The following MDGA2 variants were observed in gnomAD, a reference collection of about 807,000 sequenced individuals.
MDGA2 encodes the protein MAM domain containing glycosylphosphatidylinositol anchor 2.
In MDGA2, 40 loss-of-function variants were observed where a neutral mutation model predicts 117.8. The ratio of observed to expected loss-of-function variants is 0.34; its 90% CI spans 0.26 to 0.44. MDGA2 has a LOEUF of 0.44. MDGA2 is among the 20% of genes least tolerant of loss of function. The pLI, the probability that MDGA2 is intolerant of heterozygous loss-of-function variation, is 1.00. For synonymous variants in MDGA2, 452 were observed against 439.0 expected, an observed-to-expected ratio of 1.03 and a Z score of -0.37; for missense variants, 1,123 against 1,250.6, an observed-to-expected ratio of 0.90 and a Z score of 1.54.
intron 5 of MDGA2, among the ~76,000 whole-genome samples, chr14:47,098,520 G>A (rs1880115762): frequency 6.6e-6 from 1 of 151,430 alleles, no homozygotes; most frequent in South Asian, 2.1e-4. Context: ...TGCAAAAGTT[G>A]CCATATTTTG....
intron 12 of MDGA2, 30 bp from the exon 13 acceptor site, chr14:46,874,230 T>C (rs775738260): frequency 2.7e-6 from 3 of 1,097,180 alleles, no homozygotes; most frequent in South Asian, 5.3e-5. Flanking sequence ...AAATTAATAT[T>C]AATTAAATTA....
At chr14:47,378,382 A>C (rs1420746332) in intron 1 of MDGA2, among the ~76,000 whole-genome samples, 1 of 152,230 alleles carries the variant, frequency 6.6e-6, no homozygotes, top group African/African-American at 2.4e-5. Flanking sequence ...AGTTGAGTGA[A>C]TAAGGCTTCA....
chr14:47,561,150 TTTG>T (rs1379691786), intron 1 of MDGA2, among the ~76,000 whole-genome samples: 11 of 43,256 alleles, frequency 2.5e-4, no homozygotes, highest in African/African-American at 6.7e-4. Context: ...TGTTTTTTTT[TTTG>T]TTTTGTTTTG....
chr14:47,456,075 GA>G (rs1180164875), intron 1 of MDGA2, among the ~76,000 whole-genome samples: 1 of 151,770 alleles, frequency 6.6e-6, no homozygotes, highest in Non-Finnish European at 1.5e-5. Context: ...AATGGGCTGT[GA>G]AAAAAATACT....
chr14:47,066,337 A>G (rs1890079345), intron 6 of MDGA2, among the ~76,000 whole-genome samples: 6 of 152,156 alleles, frequency 3.9e-5, no homozygotes, highest in Admixed American at 3.3e-4. Context: ...AATTGTTTCC[A>G]TTCAGTATGG....
chr14:47,520,703 T>C (rs1894851472), intron 1 of MDGA2, among the ~76,000 whole-genome samples: 1 of 152,178 alleles, frequency 6.6e-6, no homozygotes, highest in East Asian at 1.9e-4. Flanking sequence ...AATAAGTGTT[T>C]TAAATTAAGC....
chr14:46,884,408 A>T lies in MDGA2; in HGVS notation c.2239-2187T>A, dbSNP rs1295313595. On this transcript the variant is annotated intron_variant, in intron 10 of 16. Transcript: ENST00000399232. This position sits in a 1 kb window ranked among gnomAD's most constrained non-coding sequence, Gnocchi z 4.1. ...ACACACATACACATGTACACATTAT[A>T]TGCACAGGTACACACACATACACAT... Among the ~76,000 whole-genome samples the T allele has an allele frequency of 6.6e-6, 1 of 152,128 alleles. No homozygotes were observed. The highest frequency in any genetic ancestry group is 1.5e-5 in the Non-Finnish European group (1 of 68,006).
chr14:46,873,802 A>G (rs1882113342), intron 13 of MDGA2: 1 of 583,816 alleles, frequency 1.7e-6, no homozygotes, highest in Non-Finnish European at 2.7e-6. Context: ...AAATGTATAA[A>G]AAGTTGAAAT....
At chr14:47,380,210 C>T (rs866597838) in intron 1 of MDGA2, among the ~76,000 whole-genome samples, 3 of 152,178 alleles carry the variant, frequency 2.0e-5, no homozygotes, top group African/African-American at 7.2e-5. Context: ...CTCTCGGACA[C>T]ATTTAAAGCA....
intron 2 of MDGA2, among the ~76,000 whole-genome samples, chr14:47,233,779 C>T (rs1330451121): frequency 6.6e-6 from 1 of 152,126 alleles, no homozygotes; most frequent in African/African-American, 2.4e-5. Context: ...TAGACTGTTT[C>T]AATTCAAACC....
At chr14:47,652,657 TAAAACATCAGCAAACCAGGC>T (rs1897666609) in intron 1 of MDGA2, among the ~76,000 whole-genome samples, 1 of 152,148 alleles carries the variant, frequency 6.6e-6, no homozygotes, top group African/African-American at 2.4e-5. Flanking sequence ...ACAAGTACTG[TAAAACATCAGCAAACCAGGC>T]AAGTGGATAT....
chr14:46,988,073 G>A (rs1267393206), intron 8 of MDGA2, among the ~76,000 whole-genome samples: 2 of 151,872 alleles, frequency 1.3e-5, no homozygotes, highest in African/African-American at 4.8e-5. Context: ...TAAAATAGTA[G>A]TAAAGAGTGG....
intron 1 of MDGA2, among the ~76,000 whole-genome samples, chr14:47,584,500 T>G (rs1042076668): frequency 2.0e-5 from 3 of 151,798 alleles, no homozygotes; most frequent in Non-Finnish European, 4.4e-5. Context: ...GTCGTTGTAG[T>G]ACAGATAACC....
chr14:47,079,383 C>T (rs541304630), intron 6 of MDGA2, among the ~76,000 whole-genome samples: 1 of 152,210 alleles, frequency 6.6e-6, no homozygotes, highest in East Asian at 1.9e-4. Context: ...TTACTTCAAC[C>T]TTTTAGATAT....
At chr14:46,869,085 A>G (rs182017629) in intron 14 of MDGA2, among the ~76,000 whole-genome samples, 13 of 151,802 alleles carry the variant, frequency 8.6e-5, no homozygotes, top group Non-Finnish European at 1.8e-4. Context: ...CCACATCTCT[A>G]TTTATCAGTT....
chr14:47,003,243 T>A (rs1887594288), intron 8 of MDGA2, among the ~76,000 whole-genome samples: 1 of 152,118 alleles, frequency 6.6e-6, no homozygotes, highest in Non-Finnish European at 1.5e-5. Flanking sequence ...CTTTTGACTA[T>A]CACAACCAAA....
At chr14:46,856,917 T>C (rs2138306613) in intron 14 of MDGA2, among the ~76,000 whole-genome samples, 1 of 152,300 alleles carries the variant, frequency 6.6e-6, no homozygotes, top group Non-Finnish European at 1.5e-5. Flanking sequence ...TTAGAGTCAA[T>C]ATTTTACTTC....
intron 5 of MDGA2, among the ~76,000 whole-genome samples, chr14:47,114,983 C>T (rs1376055537): frequency 2.7e-5 from 4 of 148,374 alleles, no homozygotes; most frequent in African/African-American, 2.5e-5. Context: ...GCCTATCATC[C>T]GAGCCAACCT....
At chr14:47,117,751 T>C (rs1437171086) in intron 5 of MDGA2, among the ~76,000 whole-genome samples, 3 of 151,846 alleles carry the variant, frequency 2.0e-5, no homozygotes, top group African/African-American at 7.3e-5. Context: ...AGGGGTTGAG[T>C]GAGGAGGGAA....
Sources: allele counts gnomAD v4.1 joint callset (sites outside exome capture counted in the v4.1 genomes callset), GRCh38; gene constraint gnomAD v4.1.1; non-coding constraint Gnocchi (gnomAD v3.1); transcripts MANE v1.5; gene names NCBI Gene and HGNC (gene_info 2026-07-23, HGNC 2026-07-21).